The following FBLN5 variants were observed in gnomAD, a reference collection of about 807,000 sequenced individuals.
FBLN5 encodes fibulin-5.
Under a neutral mutation model 61.6 loss-of-function variants are expected in FBLN5, and 24 were observed. The observed-to-expected ratio is 0.39, with a 90% CI of 0.28 to 0.55. The LOEUF (loss-of-function observed/expected upper bound fraction) is 0.55, where lower values mean the gene tolerates loss of function less well. Among genes scored for constraint, FBLN5 ranks in the 20% least tolerant of loss-of-function variants. FBLN5 has a pLI of 0.65. For synonymous variants in FBLN5, 213 were observed against 219.8 expected (o/e 0.97, Z 0.27); for missense variants, 470 against 594.1 (o/e 0.79, Z 2.17).
chr14:91,946,291 A>C (rs2056182833), intron 1 of FBLN5, among the ~76,000 whole-genome samples: 1 of 152,192 alleles, frequency 6.6e-6, no homozygotes, highest in Admixed American at 6.5e-5. Context: ...TTAAAAAAAA[A>C]AAACCCTGGA....
chr14:91,881,424 A>G lies in FBLN5; in HGVS notation c.863-6T>C. On this transcript the variant is annotated splice_region_variant and splice_polypyrimidine_tract_variant and intron_variant, in intron 8 of 10. Transcript: ENST00000342058. ...GTGCTCACATTCGTTGATGTCTGAA[A>G]TGCAGGGGAGACAAGAAGCGGAGGC... 6.2e-7 allele frequency: 1 copy of G among 1,614,140 alleles called. No individual in the cohort carries two copies.
chr14:91,877,934 T>G (rs1327550348), intron 9 of FBLN5: 6 of 590,504 alleles, frequency 1.0e-5, no homozygotes, highest in Non-Finnish European at 1.6e-5. Flanking sequence ...AAACCTTAGA[T>G]CTCTGGTTTT....
At chr14:91,889,452 C>T (rs550918605) in intron 6 of FBLN5, among the ~76,000 whole-genome samples, 1 of 152,368 alleles carries the variant, frequency 6.6e-6, no homozygotes, top group South Asian at 2.1e-4. Context: ...CAGGGCCCCA[C>T]TCCAACCTGT....
intron 2 of FBLN5, 92 bp from the exon 3 acceptor site, chr14:91,940,708 A>G: frequency 9.5e-7 from 1 of 1,057,812 alleles, no homozygotes; most frequent in East Asian, 2.5e-5. Flanking sequence ...AAATGGAGCA[A>G]AAAAGAAAGG....
chr14:91,931,953 G>A (rs931454339), intron 4 of FBLN5, among the ~76,000 whole-genome samples: 3 of 152,108 alleles, frequency 2.0e-5, no homozygotes, highest in East Asian at 1.9e-4. Flanking sequence ...GCCCCACACC[G>A]TCCTTCTCTG....
intron 4 of FBLN5, among the ~76,000 whole-genome samples, 193 bp downstream of exon 4, chr14:91,936,752 CAA>C (rs1040912352): frequency 1.3e-5 from 2 of 152,022 alleles, no homozygotes; most frequent in Non-Finnish European, 2.9e-5. Context: ...AACAAAACAG[CAA>C]AATAACCTCC....
intron 4 of FBLN5, among the ~76,000 whole-genome samples, chr14:91,919,270 G>T (rs2055683139): frequency 6.6e-6 from 1 of 150,844 alleles, no homozygotes; most frequent in Non-Finnish European, 1.5e-5. Context: ...GGTAGAGGTT[G>T]CAGTCAGCCG....
At chr14:91,889,794 G>A (rs1345515200) in intron 6 of FBLN5, among the ~76,000 whole-genome samples, 4 of 152,240 alleles carry the variant, frequency 2.6e-5, no homozygotes, top group South Asian at 2.1e-4. Flanking sequence ...CCTGGGTGCC[G>A]GGCCTGCTGC....
At chr14:91,883,098 G>A in intron 7 of FBLN5, 22 bp from the exon 8 acceptor site, 3 of 1,612,920 alleles carry the variant, frequency 1.9e-6, no homozygotes, top group South Asian at 2.2e-5. Flanking sequence ...AGTCACACCT[G>A]CTGTTTGTAA....
At chr14:91,934,451 G>T (rs1003700497) in intron 4 of FBLN5, among the ~76,000 whole-genome samples, 2 of 152,122 alleles carry the variant, frequency 1.3e-5, no homozygotes, top group African/African-American at 2.4e-5. Flanking sequence ...AGGATCAAGC[G>T]CATTAATTAT....
At chr14:91,881,213 C>G in intron 9 of FBLN5, 79 bp downstream of exon 9, 1 of 1,562,376 alleles carries the variant, frequency 6.4e-7, no homozygotes, top group Non-Finnish European at 8.8e-7. Flanking sequence ...CTGGTGCACT[C>G]TCTTTCACAC....
rs1222546557 is a variant in FBLN5, at chr14:91,943,034, C to A, written c.18-73G>T. 3.1e-6 allele frequency: 3 copies of A among 982,412 alleles called. No individual in the cohort carries two copies. Among genetic ancestry groups the A allele is most frequent in the Non-Finnish European group, 4.8e-6 (3 of 627,484 alleles). 60.9% of individuals were successfully genotyped at this position (982,412 alleles called of 1,614,324 possible). A position where few individuals can be genotyped will look rare whatever the true frequency, so the allele number is the denominator to read the frequency against. ...CTAGGGGAGTGTGGGTCGCATGCGG[C>A]CCGTGACGTGTAACGGTGATATCAC... On this transcript the variant is annotated intron_variant, in intron 1 of 10. Coordinates refer to ENST00000342058, the MANE Select transcript of FBLN5 (RefSeq NM_006329.4). The surrounding 1 kb of genome is among the most constrained non-coding windows in gnomAD (Gnocchi z 4.0).
rs74071642 is a variant in FBLN5 at position 91,943,894 on chromosome 14, G to A, written c.18-933C>T. Among the ~76,000 whole-genome samples the A allele has an allele frequency of 0.013, 2,012 of 152,284 alleles. 30 individuals carry two copies. Among genetic ancestry groups the A allele is most frequent in the African/African-American group, 0.039 (1,602 of 41,558 alleles). On this transcript the variant is annotated intron_variant, in intron 1 of 10. Transcript: ENST00000342058. This position sits in a 1 kb window ranked among gnomAD's most constrained non-coding sequence, Gnocchi z 4.0. The stretch of plus-strand genomic sequence containing the variant: ...ACAGCCCAGGGAAAATGAAACCCGC[G>A]GGAAAACAGGAGGAGGAGTCACGCA...
intron 10 of FBLN5, among the ~76,000 whole-genome samples, chr14:91,871,583 C>T (rs1888928720): frequency 6.6e-6 from 1 of 152,176 alleles, no homozygotes; most frequent in African/African-American, 2.4e-5. Flanking sequence ...AATGGCCAGG[C>T]ACCATGGCTC....
At chr14:91,906,807 A>C (rs987219548) in intron 4 of FBLN5, among the ~76,000 whole-genome samples, 1 of 152,154 alleles carries the variant, frequency 6.6e-6, no homozygotes, top group Non-Finnish European at 1.5e-5. Context: ...CCCGAGTCCC[A>C]CTGCCCCCAA....
chr14:91,925,383 A>G (rs2055810706), intron 4 of FBLN5, among the ~76,000 whole-genome samples: 1 of 152,156 alleles, frequency 6.6e-6, no homozygotes, highest in Admixed American at 6.5e-5. Context: ...TCTGGAGGGA[A>G]GGAATCCTGT....
chr14:91,881,631 C>T (rs112254079), intron 8 of FBLN5, among the ~76,000 whole-genome samples: 3 of 152,100 alleles, frequency 2.0e-5, no homozygotes, highest in African/African-American at 7.2e-5. Flanking sequence ...TGACTTAGTA[C>T]CAAGAAATAA....
At chr14:91,911,070 A>G (rs930166682) in intron 4 of FBLN5, among the ~76,000 whole-genome samples, 1 of 151,174 alleles carries the variant, frequency 6.6e-6, no homozygotes, top group Non-Finnish European at 1.5e-5. Flanking sequence ...TGCAACCTCC[A>G]CCTCCTGGGT....
chr14:91,922,405 T>C (rs902221808), intron 4 of FBLN5, among the ~76,000 whole-genome samples: 1 of 152,088 alleles, frequency 6.6e-6, no homozygotes, highest in Admixed American at 6.5e-5. Flanking sequence ...CTGGGCTATT[T>C]TGAGAATTCC....
Sources: allele counts gnomAD v4.1 joint callset (sites outside exome capture counted in the v4.1 genomes callset), GRCh38; gene constraint gnomAD v4.1.1; non-coding constraint Gnocchi (gnomAD v3.1); transcripts MANE v1.5; gene names NCBI Gene and HGNC (gene_info 2026-07-23, HGNC 2026-07-21).